The following EPHB1 variants were observed in gnomAD, a reference collection of about 807,000 sequenced individuals.
EPHB1 encodes the protein EPH receptor B1.
A neutral mutation model predicts 94.4 loss-of-function variants in EPHB1; 30 were observed. That is an observed-to-expected ratio of 0.32 (90% CI 0.24 to 0.43). The LOEUF (loss-of-function observed/expected upper bound fraction) is 0.43. Ranked by LOEUF, EPHB1 falls within the 20% of genes least tolerant of loss-of-function variation. The pLI is 1.00. For missense variants in EPHB1, 1,055 were observed against 1,308.3 expected (o/e 0.81, Z 2.99); for synonymous variants, 522 against 489.1 (o/e 1.07, Z -0.89).
At chr3:135,073,559 T>C (rs1937798630) in intron 3 of EPHB1, among the ~76,000 whole-genome samples, 1 of 152,198 alleles carries the variant, frequency 6.6e-6, no homozygotes, top group South Asian at 2.1e-4. Context: ...TTCTTCAGAG[T>C]AAATAACCGT....
At chr3:135,219,845 T>C (rs1299386842) in intron 12 of EPHB1, among the ~76,000 whole-genome samples, 1 of 152,200 alleles carries the variant, frequency 6.6e-6, no homozygotes, top group East Asian at 1.9e-4. Flanking sequence ...GGCGGGGATC[T>C]TGTCCCATGC....
chr3:135,042,554 T>C (rs1936884908), intron 3 of EPHB1, among the ~76,000 whole-genome samples: 1 of 152,196 alleles, frequency 6.6e-6, no homozygotes, highest in Non-Finnish European at 1.5e-5. Context: ...ATTTGCTAAA[T>C]CCAGCAACCA....
intron 1 of EPHB1, among the ~76,000 whole-genome samples, chr3:134,908,127 G>T (rs1226342007): frequency 6.6e-6 from 1 of 152,226 alleles, no homozygotes; most frequent in East Asian, 1.9e-4. Flanking sequence ...CCCTTACAAA[G>T]CCCACACTGC....
At chr3:134,960,554 A>G (rs762029119) in intron 3 of EPHB1, among the ~76,000 whole-genome samples, 1 of 152,224 alleles carries the variant, frequency 6.6e-6, no homozygotes, top group Non-Finnish European at 1.5e-5. Flanking sequence ...TCCATAAGAC[A>G]GAGAGTATCT....
intron 3 of EPHB1, among the ~76,000 whole-genome samples, chr3:134,989,876 T>C (rs1934734073): frequency 1.3e-5 from 2 of 152,240 alleles, no homozygotes; most frequent in Non-Finnish European, 2.9e-5. Context: ...CGATTTTAAA[T>C]AGTACCAATT....
chr3:134,805,422 A>C (rs2036023729), intron 1 of EPHB1, among the ~76,000 whole-genome samples: 1 of 152,102 alleles, frequency 6.6e-6, no homozygotes, highest in Non-Finnish European at 1.5e-5. Context: ...GTCGAACCAT[A>C]ATGTAGTATT....
chr3:134,927,193 G>A (rs996096481), intron 2 of EPHB1, among the ~76,000 whole-genome samples: 2 of 152,200 alleles, frequency 1.3e-5, no homozygotes, highest in African/African-American at 4.8e-5. Flanking sequence ...TCATCACCAT[G>A]CCCTGGTTCT....
At chr3:135,231,531 A>C (rs1221723028) in intron 12 of EPHB1, among the ~76,000 whole-genome samples, 2 of 152,194 alleles carry the variant, frequency 1.3e-5, no homozygotes, top group Non-Finnish European at 2.9e-5. Context: ...GCAGCATTGC[A>C]CAGAAGGGTT....
chr3:134,803,570 C>A (rs996476543), intron 1 of EPHB1, among the ~76,000 whole-genome samples: 2 of 152,152 alleles, frequency 1.3e-5, no homozygotes, highest in African/African-American at 4.8e-5. Context: ...AATGCTGGAT[C>A]CAGGATTAGA....
intron 3 of EPHB1, among the ~76,000 whole-genome samples, chr3:135,009,555 G>T (rs1249357176): frequency 6.6e-6 from 1 of 152,254 alleles, no homozygotes; most frequent in African/African-American, 2.4e-5. Context: ...TTCTCCCACT[G>T]CCAAAGCTGC....
At chr3:134,911,332 T>A (rs1182125645) in intron 1 of EPHB1, among the ~76,000 whole-genome samples, 1 of 151,482 alleles carries the variant, frequency 6.6e-6, no homozygotes, top group East Asian at 2.0e-4. Context: ...CCATGAAAAG[T>A]TGGGCTAGGG....
intron 3 of EPHB1, among the ~76,000 whole-genome samples, chr3:135,033,321 G>T (rs1936545788): frequency 6.6e-6 from 1 of 152,190 alleles, no homozygotes; most frequent in Non-Finnish European, 1.5e-5. Flanking sequence ...TGCACCTTGT[G>T]TGGAAGGTCA....
rs998678921 is a variant in EPHB1, at chr3:135,191,038, C to T, written c.1883-1538C>T. ...AAGATGATCGCTTAGCCCAGGAGCT[C>T]GAGTATAGCATGAGCAACATAGTGA... On this transcript the variant is annotated intron_variant, in intron 10 of 15. Transcript: ENST00000398015. Among the ~76,000 whole-genome samples, 10 of 149,286 alleles carry T rather than the reference C, an allele frequency of 6.7e-5. No individual in the cohort carries two copies. The South Asian group carries it at 1.9e-3, about 28-fold the overall frequency.
intron 3 of EPHB1, among the ~76,000 whole-genome samples, chr3:134,962,943 G>A (rs2107722651): frequency 6.6e-6 from 1 of 152,244 alleles, no homozygotes; most frequent in South Asian, 2.1e-4. Context: ...CCCAGGTCTT[G>A]TCTCTGCCAG....
chr3:135,062,155 T>C (rs576423437), intron 3 of EPHB1, among the ~76,000 whole-genome samples: 2 of 152,364 alleles, frequency 1.3e-5, no homozygotes, highest in South Asian at 2.1e-4. Context: ...TAAACATGCA[T>C]GTGTGAGAAT....
At chr3:135,177,969 T>C (rs1425487256) in intron 9 of EPHB1, among the ~76,000 whole-genome samples, 1 of 152,150 alleles carries the variant, frequency 6.6e-6, no homozygotes, top group Non-Finnish European at 1.5e-5. Context: ...ATATTCTACA[T>C]AAAGGTGAGG....
intron 3 of EPHB1, among the ~76,000 whole-genome samples, chr3:135,004,554 T>C (rs1935320419): frequency 6.6e-6 from 1 of 152,142 alleles, no homozygotes; most frequent in South Asian, 2.1e-4. Flanking sequence ...TGCAGAGTGT[T>C]TTCCAACTTG....
chr3:134,862,642 G>T (rs1024124922), intron 1 of EPHB1, among the ~76,000 whole-genome samples: 2 of 152,190 alleles, frequency 1.3e-5, no homozygotes, highest in African/African-American at 2.4e-5. Flanking sequence ...CTGCCCAGGG[G>T]TGGAAGCTCC....
intron 3 of EPHB1, among the ~76,000 whole-genome samples, chr3:134,970,021 T>C (rs552917899): frequency 8.0e-4 from 122 of 152,368 alleles, no homozygotes; most frequent in African/African-American, 2.9e-3. Flanking sequence ...TTTTGTCGAA[T>C]ATGTGATTTG....
Sources: allele counts gnomAD v4.1 joint callset (sites outside exome capture counted in the v4.1 genomes callset), GRCh38; gene constraint gnomAD v4.1.1; transcripts MANE v1.5; gene names NCBI Gene and HGNC (gene_info 2026-07-23, HGNC 2026-07-21).